FRRS1: variants seen among roughly 807,000 people sequenced by gnomAD.
FRRS1 encodes ferric chelate reductase 1.
In FRRS1, 51 loss-of-function variants were observed where a neutral mutation model predicts 70.7. The ratio of observed to expected loss-of-function variants is 0.72; its 90% CI spans 0.58 to 0.91. The LOEUF is 0.91. Ranked by LOEUF, FRRS1 falls within the 40% of genes least tolerant of loss-of-function variation. The pLI, the probability that FRRS1 is intolerant of heterozygous loss-of-function variation, is 0.00. For missense variants in FRRS1, 672 were observed against 726.0 expected (o/e 0.93, Z 0.86); for synonymous variants, 225 against 238.7 (o/e 0.94, Z 0.53).
intron 1 of FRRS1, among the ~76,000 whole-genome samples, chr1:99,764,450 C>G (rs982797880): frequency 3.3e-5 from 5 of 152,080 alleles, no homozygotes; most frequent in Admixed American, 6.5e-5. Flanking sequence ...ACATGTAAGA[C>G]TGTACAGAAA....
chr1:99,729,872 A>G (rs1557692731), intron 7 of FRRS1, 124 bp from the exon 8 acceptor site: 2 of 632,460 alleles, frequency 3.2e-6, no homozygotes, highest in Non-Finnish European at 5.7e-6. Flanking sequence ...AATTTACTGA[A>G]TCATGAATGA....
At position 99,708,625 on chromosome 1, in the gene FRRS1, A is replaced by AAATATATAT. The variant is rs1553169357; in HGVS notation, c.*402_*403insATATATATT. The AAATATATAT allele has an allele frequency of 1.9e-5, 1 of 52,732 alleles. No homozygotes were observed. The highest frequency in any genetic ancestry group is 8.6e-5 in the African/African-American group (1 of 11,674). 3.3% of individuals were successfully genotyped at this position (52,732 alleles called of 1,614,324 possible). On this transcript the variant is annotated 3_prime_UTR_variant, in exon 17 of 17. Transcript: ENST00000646001. Reference sequence around the variant, plus strand: ...AAAAAAAAAAAAAAAAAAAAAAAAAAATATATATATATATATATATATATA... The same window carrying AAATATATAT: ...AAAAAAAAAAAAAAAAAAAAAAAAAAAATATATATATATATATATATATATATATATATA...
chr1:99,720,834 AACACACACACAC>A (rs57397996), intron 9 of FRRS1, among the ~76,000 whole-genome samples: 4,431 of 137,268 alleles, frequency 0.032, 227 homozygotes, highest in African/African-American at 0.11. Context: ...AGCATTTCCT[AACACACACACAC>A]ACACACACAC....
intron 7 of FRRS1, among the ~76,000 whole-genome samples, chr1:99,730,303 T>C (rs550287867): frequency 6.6e-6 from 1 of 152,306 alleles, no homozygotes; most frequent in South Asian, 2.1e-4. Context: ...ATTCAATAGA[T>C]TTAATGTTAT....
At chr1:99,760,055 A>G (rs1657039231) in intron 1 of FRRS1, among the ~76,000 whole-genome samples, 1 of 152,240 alleles carries the variant, frequency 6.6e-6, no homozygotes, top group Non-Finnish European at 1.5e-5. Context: ...TACCTAATTC[A>G]GAATGTTAAA....
intron 9 of FRRS1, among the ~76,000 whole-genome samples, chr1:99,720,016 T>C (rs955403795): frequency 6.6e-6 from 1 of 152,196 alleles, no homozygotes; most frequent in Admixed American, 6.5e-5. Flanking sequence ...AGAGAATACA[T>C]ATTTTTTAAA....
rs759074731 is a variant in FRRS1, at chr1:99,717,469, G to A, written c.1177C>T (p.Arg393Trp). 6.8e-6 allele frequency: 11 copies of A among 1,614,018 alleles called. No individual in the cohort carries two copies. Among genetic ancestry groups the A allele is most frequent in the Admixed American group, 5.0e-5 (3 of 60,018 alleles). ...TTTGACCAAACTGGCTTGAAGAACC[G>A]GGCAACCAGTACACCTATGCTAACA... is the stretch of plus-strand genomic sequence containing the variant. Reference protein sequence around the residue: ...TTVSIGVLVARFFKPVWSKAF... With the variant: ...TTVSIGVLVAWFFKPVWSKAF... Residue 393 changes from arginine (R) to tryptophan (W), a missense_variant, in exon 11 of 17, where the codon CGG becomes TGG. Transcript: ENST00000646001.
chr1:99,765,601 C>G (rs1657316517), intron 1 of FRRS1: 1 of 140,864 alleles, frequency 7.1e-6, no homozygotes, highest in South Asian at 2.3e-4. Context: ...CACTCCGTCT[C>G]GAAAATAATA....
chr1:99,745,030 G>A (rs1251159886), intron 4 of FRRS1, among the ~76,000 whole-genome samples: 1 of 149,156 alleles, frequency 6.7e-6, no homozygotes, highest in Admixed American at 6.7e-5. Flanking sequence ...TGAGGAGAAA[G>A]TGTATCTGCC....
intron 11 of FRRS1, 152 bp from the exon 12 acceptor site, chr1:99,715,824 GAA>G (rs371969010): frequency 3.9e-4 from 146 of 377,722 alleles, no homozygotes; most frequent in Middle Eastern, 1.2e-3. Flanking sequence ...GCCAGGTTAA[GAA>G]AAAAAAAAAA....
Position 99,708,720 on chromosome 1 carries a change from T to C in FRRS1, c.*308A>G. 1 of 453,018 alleles carries C rather than the reference T, an allele frequency of 2.2e-6. No individual in the cohort carries two copies. 28.1% of individuals were successfully genotyped at this position (453,018 alleles called of 1,614,324 possible). A position where few individuals can be genotyped will look rare whatever the true frequency, so the allele number is the denominator to read the frequency against. On this transcript the variant is annotated 3_prime_UTR_variant, in exon 17 of 17. Coordinates refer to ENST00000646001, the MANE Select transcript of FRRS1 (RefSeq NM_001361041.2). Reference sequence around the variant, plus strand: ...TCTGTTGTGATTTTCCAAATCACTATTTATTTTCTTAAATACCAACATTCT... The same window carrying C: ...TCTGTTGTGATTTTCCAAATCACTACTTATTTTCTTAAATACCAACATTCT...
chr1:99,759,256 G>A (rs905543778), intron 1 of FRRS1, among the ~76,000 whole-genome samples: 2 of 152,146 alleles, frequency 1.3e-5, no homozygotes, highest in African/African-American at 2.4e-5. Flanking sequence ...TGAGGCTCAG[G>A]GGGCATCAGG....
intron 1 of FRRS1, among the ~76,000 whole-genome samples, chr1:99,757,215 T>C (rs1656880417): frequency 6.6e-6 from 1 of 152,140 alleles, no homozygotes; most frequent in Admixed American, 6.6e-5. Context: ...TAGATGTGTA[T>C]GTTTCCTATT....
intron 15 of FRRS1, among the ~76,000 whole-genome samples, chr1:99,710,416 T>C (rs1332809267): frequency 6.6e-6 from 1 of 152,094 alleles, no homozygotes; most frequent in Admixed American, 6.5e-5. Flanking sequence ...CCCAGTAAAT[T>C]TGTCAAATAG....
chr1:99,742,623 C>T (rs1656029312), intron 4 of FRRS1, among the ~76,000 whole-genome samples: 1 of 152,170 alleles, frequency 6.6e-6, no homozygotes, highest in African/African-American at 2.4e-5. Context: ...GAAGATTCTT[C>T]GAAAGAGAAA....
intron 11 of FRRS1, among the ~76,000 whole-genome samples, chr1:99,717,036 C>T: frequency 6.6e-6 from 1 of 152,186 alleles, no homozygotes; most frequent in East Asian, 1.9e-4. Context: ...CTTTCTTCAG[C>T]TCCTCTGCAT....
At chr1:99,730,606 G>C (rs916993301) in intron 7 of FRRS1, among the ~76,000 whole-genome samples, 2 of 152,040 alleles carry the variant, frequency 1.3e-5, no homozygotes, top group African/African-American at 2.4e-5. Flanking sequence ...GGTGGCTCAC[G>C]CCTGTAGTCC....
chr1:99,709,183 A>C lies in FRRS1; in HGVS notation c.1686+15T>G, dbSNP rs373377535. On this transcript the variant is annotated intron_variant, in intron 16 of 16. Coordinates refer to ENST00000646001, the MANE Select transcript of FRRS1 (RefSeq NM_001361041.2). ...ACCATTAAGGTTTGTGTCAATGAAC[A>C]AGAAAAGGACTTACCTCTGTTTCCA... The C allele has an allele frequency of 1.2e-6, 2 of 1,609,476 alleles. No individual in the cohort carries two copies. Among genetic ancestry groups the C allele is most frequent in the South Asian group, 1.1e-5 (1 of 90,678 alleles).
Position 99,719,562 on chromosome 1 carries a change from G to C in FRRS1, c.1092C>G (p.Ser364=), listed in dbSNP as rs1210008926. 13 of 1,600,506 alleles carry C rather than the reference G, an allele frequency of 8.1e-6. No homozygotes were observed. Among genetic ancestry groups the C allele is most frequent in the Non-Finnish European group, 1.1e-5 (13 of 1,167,998 alleles). Residue 364 remains serine, a synonymous_variant, in exon 10 of 17, where the codon TCC becomes TCG. Coordinates refer to ENST00000646001, the MANE Select transcript of FRRS1 (RefSeq NM_001361041.2). ...GAACCTTCAGAAGGAGTACAGAATG[G>C]GATCCTCCTATGTTCTTTGGAGAGT... is the stretch of plus-strand genomic sequence containing the variant. ...VTDSPKNIGG[S]HSVLLLKVHG... is the part of the protein sequence containing the mutation.
Sources: allele counts gnomAD v4.1 joint callset (sites outside exome capture counted in the v4.1 genomes callset), GRCh38; gene constraint gnomAD v4.1.1; transcripts MANE v1.5; gene names NCBI Gene and HGNC (gene_info 2026-07-23, HGNC 2026-07-21).